The following DNAI4 variants were observed in gnomAD, a reference collection of about 807,000 sequenced individuals.
DNAI4 encodes WD repeat domain 78.
Under a neutral mutation model 105.8 loss-of-function variants are expected in DNAI4, and 85 were observed. That is an observed-to-expected ratio of 0.80 (90% confidence interval 0.67 to 0.96). The LOEUF (loss-of-function observed/expected upper bound fraction) is 0.96. Among genes scored for constraint, DNAI4 ranks in the 40% least tolerant of loss-of-function variants. The pLI is 0.00. For synonymous variants in DNAI4, 352 were observed against 331.5 expected, an observed-to-expected ratio of 1.06 and a Z score of -0.67; for missense variants, 1,014 against 1,005.6, an observed-to-expected ratio of 1.01 and a Z score of -0.11.
intron 7 of DNAI4, among the ~76,000 whole-genome samples, chr1:66,861,556 A>C (rs914488221): frequency 1.3e-5 from 2 of 152,216 alleles, no homozygotes; most frequent in African/African-American, 2.4e-5. Flanking sequence ...TTAAAAATTA[A>C]AATACTAGAA....
At chr1:66,883,180 C>CTTTTTTTTTTTT (rs755412295) in intron 4 of DNAI4, among the ~76,000 whole-genome samples, 138 of 92,564 alleles carry the variant, frequency 1.5e-3, no homozygotes, top group Middle Eastern at 0.01. Context: ...GTTTTCTTTT[C>CTTTTTTTTTTTT]TTTTTTTTTT....
At chr1:66,921,710 A>G (rs1650491687) in intron 1 of DNAI4, among the ~76,000 whole-genome samples, 1 of 152,314 alleles carries the variant, frequency 6.6e-6, no homozygotes, top group Admixed American at 6.5e-5. Context: ...CAAAAACCAT[A>G]CAAGATAAGC....
chr1:66,889,713 T>C (rs1647433378), intron 4 of DNAI4, among the ~76,000 whole-genome samples: 1 of 152,188 alleles, frequency 6.6e-6, no homozygotes, highest in South Asian at 2.1e-4. Context: ...CCCTCAAGTA[T>C]GTAACCATTT....
intron 16 of DNAI4, among the ~76,000 whole-genome samples, chr1:66,816,516 A>G (rs1256482372): frequency 6.6e-6 from 1 of 152,150 alleles, no homozygotes; most frequent in Non-Finnish European, 1.5e-5. Context: ...GCGAAGAAAG[A>G]AAAGGTATAT....
chr1:66,869,517 T>C (rs368054620), intron 6 of DNAI4, among the ~76,000 whole-genome samples: 1 of 152,192 alleles, frequency 6.6e-6, no homozygotes, highest in African/African-American at 2.4e-5. Flanking sequence ...AACCCTTTAC[T>C]ACATATTAAT....
chr1:66,844,031 T>C (rs913333818), intron 8 of DNAI4, among the ~76,000 whole-genome samples: 18 of 119,836 alleles, frequency 1.5e-4, no homozygotes, highest in African/African-American at 5.9e-4. Flanking sequence ...ATGTCTATAA[T>C]CCCAGAGTGG....
In DNAI4 at chr1:66,844,565, A is replaced by C. The variant is rs1170376370; in HGVS notation, c.1291+2919T>G. 3.3e-5 allele frequency among the ~76,000 whole-genome samples: 5 copies of C among 152,056 alleles called. No homozygotes were observed. In the East Asian group the frequency reaches 7.7e-4, roughly 23 times the overall value. Reference sequence around the variant, plus strand: ...GACAGAGAGTAAGACTCTGTCTCAAAAAATGAATAAATAAATAAATAAATA... The same window carrying C: ...GACAGAGAGTAAGACTCTGTCTCAACAAATGAATAAATAAATAAATAAATA... On this transcript the variant is annotated intron_variant, in intron 8 of 16. Coordinates refer to ENST00000371026, the MANE Select transcript of DNAI4 (RefSeq NM_024763.5).
chr1:66,821,559 C>A (rs1645627204), intron 16 of DNAI4, among the ~76,000 whole-genome samples: 1 of 152,066 alleles, frequency 6.6e-6, no homozygotes, highest in Admixed American at 6.6e-5. Context: ...CCTTGTAAAT[C>A]TGATATGTGA....
At chr1:66,893,035 G>GA (rs2100773627) in intron 3 of DNAI4, among the ~76,000 whole-genome samples, 194 bp downstream of exon 3, 5 of 77,260 alleles carry the variant, frequency 6.5e-5, no homozygotes, top group African/African-American at 3.2e-4. Context: ...AGAAAGAGAG[G>GA]AAAGAAAGAA....
chr1:66,843,824 C>A (rs12087206), intron 8 of DNAI4, among the ~76,000 whole-genome samples: 1 of 152,036 alleles, frequency 6.6e-6, no homozygotes, highest in Admixed American at 6.5e-5. Flanking sequence ...TTTGGCAGAT[C>A]TATTACTAGG....
chr1:66,816,726 AT>A, intron 16 of DNAI4, among the ~76,000 whole-genome samples: 1 of 96,514 alleles, frequency 1.0e-5, no homozygotes. Flanking sequence ...CAGCCTTGAA[AT>A]CACACACACA....
Position 66,837,725 on chromosome 1 carries a change from T to C in DNAI4, c.1566A>G (p.Ser522=). The C allele has an allele frequency of 2.5e-6, 4 of 1,609,566 alleles. No individual in the cohort carries two copies. The highest frequency in any genetic ancestry group is 3.4e-6 in the Non-Finnish European group (4 of 1,178,184). ...TTTGGGTTACCATGGGATTCTTTAT[T>C]GACCAGCAGCAAGCCAGTCCTCTTT... The part of the protein sequence containing the change: ...EQKRGLACCW[S]IKNPMWPERI... The change falls in exon 10 of 17, where the codon TCA becomes TCG. Residue 522 remains serine (S), a synonymous_variant. Coordinates refer to ENST00000371026, the MANE Select transcript of DNAI4 (RefSeq NM_024763.5).
At chr1:66,870,035 T>C (rs1646808418) in intron 6 of DNAI4, among the ~76,000 whole-genome samples, 1 of 152,238 alleles carries the variant, frequency 6.6e-6, no homozygotes, top group South Asian at 2.1e-4. Context: ...CAATAAGATG[T>C]ATGTATGTTC....
intron 2 of DNAI4, among the ~76,000 whole-genome samples, chr1:66,896,870 T>TA (rs1376960814): frequency 6.6e-6 from 1 of 150,506 alleles, no homozygotes; most frequent in Non-Finnish European, 1.5e-5. Flanking sequence ...GAAAACACAC[T>TA]AAAAAAATTA....
rs749722266 is a variant in DNAI4 at position 66,924,682 on chromosome 1, G to A, written c.150C>T (p.His50=). ...ATMPVSPAGS[H]KQQNFGLNNA... ...CTTACAACCCGAAGTTCTGCTGCTT[G>A]TGACTGCCTGCCGGAGAGACTGGCA... is the stretch of plus-strand genomic sequence containing the variant. Residue 50 remains histidine (H), a synonymous_variant, in exon 1 of 17, where the codon CAC becomes CAT. Transcript: ENST00000371026. 1.3e-5 allele frequency: 21 copies of A among 1,614,252 alleles called. No individual in the cohort carries two copies. The highest frequency in any genetic ancestry group is 1.7e-5 in the Non-Finnish European group (20 of 1,180,048).
chr1:66,919,834 G>A (rs1192521503), intron 1 of DNAI4, among the ~76,000 whole-genome samples: 1 of 152,176 alleles, frequency 6.6e-6, no homozygotes, highest in Non-Finnish European at 1.5e-5. Context: ...AAGAAAAAAT[G>A]TACTGAAAAG....
At chr1:66,877,901 A>G (rs559108709) in intron 4 of DNAI4, among the ~76,000 whole-genome samples, 4 of 152,308 alleles carry the variant, frequency 2.6e-5, no homozygotes, top group African/African-American at 9.6e-5. Flanking sequence ...GTAAAGTGTC[A>G]TTCTCATCAT....
chr1:66,917,641 A>G (rs182912120), intron 1 of DNAI4, among the ~76,000 whole-genome samples: 5 of 152,314 alleles, frequency 3.3e-5, no homozygotes, highest in African/African-American at 1.2e-4. Flanking sequence ...TGAGCTATTG[A>G]CAGCTTTTAA....
At chr1:66,874,672 A>G (rs1430480498) in intron 5 of DNAI4, 109 bp downstream of exon 5, 1 of 1,070,446 alleles carries the variant, frequency 9.3e-7, no homozygotes, top group Non-Finnish European at 1.3e-6. Flanking sequence ...CCCAAACCCC[A>G]TAGTGTATAC....
Sources: allele counts gnomAD v4.1 joint callset (sites outside exome capture counted in the v4.1 genomes callset), GRCh38; gene constraint gnomAD v4.1.1; transcripts MANE v1.5; gene names NCBI Gene and HGNC (gene_info 2026-07-23, HGNC 2026-07-21).